Variants in PCDHA13 observed in about 807,000 individuals in gnomAD.
PCDHA13 encodes protocadherin alpha 13.
PCDHA13 carries 54 observed loss-of-function variants against 64.8 expected under a neutral mutation model. The observed-to-expected ratio is 0.83, with a 90% confidence interval of 0.67 to 1.04. The LOEUF (loss-of-function observed/expected upper bound fraction) is 1.04, where lower values mean the gene tolerates loss of function less well. PCDHA13 is among the 50% of genes least tolerant of loss of function. PCDHA13 has a pLI of 0.00. For missense variants in PCDHA13, 1,248 were observed against 1,254.3 expected, an observed-to-expected ratio of 0.99 and a Z score of 0.08; for synonymous variants, 587 against 564.4, an observed-to-expected ratio of 1.04 and a Z score of -0.57.
At position 141,011,407 on chromosome 5, in the gene PCDHA13, G is replaced by A. The variant is rs782613069; in HGVS notation, c.*1470G>A. On this transcript the variant is annotated 3_prime_UTR_variant, in exon 4 of 4. Coordinates refer to ENST00000289272, the MANE Select transcript of PCDHA13 (RefSeq NM_018904.3). ...TGAAATATACTTACTCTGTGCTTGT[G>A]TATGTGAATGTTAATGCAACTATTA... is the stretch of plus-strand genomic sequence containing the variant. The A allele has an allele frequency of 2.0e-5, 3 of 153,718 alleles. No individual in the cohort carries two copies. The highest frequency in any genetic ancestry group is 6.5e-5 in the Admixed American group (1 of 15,284). The allele number at this position is 153,718 out of a possible 1,614,324, so 9.5% of individuals were successfully genotyped here.
At chr5:140,900,588 C>G (rs1025443524) in intron 1 of PCDHA13, among the ~76,000 whole-genome samples, 3 of 152,150 alleles carry the variant, frequency 2.0e-5, no homozygotes, top group African/African-American at 7.2e-5. Flanking sequence ...TTTTCTTTAC[C>G]CGTTCATCTG....
In PCDHA13 at chr5:140,919,389, T is replaced by C. The variant is rs1042186256; in HGVS notation, c.2394+34727T>C. 3.9e-5 allele frequency among the ~76,000 whole-genome samples: 6 copies of C among 152,360 alleles called. No homozygotes were observed. The East Asian group carries it at 1.2e-3, about 29-fold the overall frequency. ...CTGCAGACAACACATAGTTGGATGTTGTTTTCCTAAAAACTCTAGACTGAC... is the reference window on the plus strand; with the variant it reads ...CTGCAGACAACACATAGTTGGATGTCGTTTTCCTAAAAACTCTAGACTGAC... On this transcript the variant is annotated intron_variant, in intron 1 of 3. Coordinates refer to ENST00000289272, the MANE Select transcript of PCDHA13 (RefSeq NM_018904.3).
intron 3 of PCDHA13, among the ~76,000 whole-genome samples, chr5:140,992,128 G>GACTGATGAT (rs2097493639): frequency 6.6e-6 from 1 of 151,816 alleles, no homozygotes; most frequent in Non-Finnish European, 1.5e-5. Context: ...GAAGAACAGT[G>GACTGATGAT]ACTGATGATG....
chr5:140,999,654 C>A (rs180994815), intron 3 of PCDHA13, among the ~76,000 whole-genome samples: 1 of 152,122 alleles, frequency 6.6e-6, no homozygotes, highest in South Asian at 2.1e-4. Flanking sequence ...AGCCTGAGCC[C>A]TGCTGGGTTG....
intron 1 of PCDHA13, among the ~76,000 whole-genome samples, chr5:140,937,898 T>C (rs11950543): frequency 0.02 from 2,906 of 145,270 alleles, 39 homozygotes; most frequent in East Asian, 0.058. Flanking sequence ...GGCGACAGAG[T>C]GAGACTCCGT....
intron 1 of PCDHA13, among the ~76,000 whole-genome samples, chr5:140,915,719 T>C (rs545655335): frequency 6.6e-6 from 1 of 152,074 alleles, no homozygotes; most frequent in African/African-American, 2.4e-5. Context: ...GCCCCCACTT[T>C]GGATTGTGCT....
At chr5:140,986,085 TCA>T (rs1395722991) in intron 3 of PCDHA13, among the ~76,000 whole-genome samples, 1 of 152,182 alleles carries the variant, frequency 6.6e-6, no homozygotes, top group Non-Finnish European at 1.5e-5. Context: ...TCATTTATTT[TCA>T]CAGTCTGCAA....
At chr5:140,911,985 A>C (rs1554195072) in intron 1 of PCDHA13, among the ~76,000 whole-genome samples, 2 of 152,204 alleles carry the variant, frequency 1.3e-5, no homozygotes, top group African/African-American at 4.8e-5. Flanking sequence ...CATGATCACA[A>C]GGTCCCACAA....
intron 1 of PCDHA13, among the ~76,000 whole-genome samples, chr5:140,963,604 T>A (rs1379826259): frequency 6.6e-6 from 1 of 152,234 alleles, no homozygotes; most frequent in Non-Finnish European, 1.5e-5. Flanking sequence ...CTAGACGTAA[T>A]TGGGAAAGCT....
chr5:140,938,034 A>G (rs541380016), intron 1 of PCDHA13, among the ~76,000 whole-genome samples: 2 of 152,160 alleles, frequency 1.3e-5, no homozygotes, highest in South Asian at 4.2e-4. Flanking sequence ...TCATATTTTT[A>G]TATTTTGGGT....
chr5:141,000,393 C>CTATAAATATATA (rs1563650230), intron 3 of PCDHA13, among the ~76,000 whole-genome samples: 1 of 52,856 alleles, frequency 1.9e-5, no homozygotes, highest in African/African-American at 9.2e-5. Flanking sequence ...CTCTCTCTCT[C>CTATAAATATATA]TCTATATATA....
chr5:140,937,371 T>C (rs2153632940), intron 1 of PCDHA13, among the ~76,000 whole-genome samples: 1 of 152,314 alleles, frequency 6.6e-6, no homozygotes, highest in Non-Finnish European at 1.5e-5. Context: ...TCTTAATGTT[T>C]ATGTGTGTGT....
intron 1 of PCDHA13, among the ~76,000 whole-genome samples, chr5:140,930,805 A>T (rs2087129378): frequency 6.6e-6 from 1 of 152,218 alleles, no homozygotes; most frequent in Non-Finnish European, 1.5e-5. Flanking sequence ...CCAGCATATA[A>T]GATATGCTTA....
intron 3 of PCDHA13, among the ~76,000 whole-genome samples, chr5:140,986,383 A>G (rs1277624649): frequency 2.6e-5 from 4 of 152,178 alleles, no homozygotes; most frequent in Admixed American, 1.3e-4. Flanking sequence ...GGGGAGGGAC[A>G]TTAAAGGGCC....
At chr5:140,912,292 C>A (rs527420621) in intron 1 of PCDHA13, among the ~76,000 whole-genome samples, 13 of 152,184 alleles carry the variant, frequency 8.5e-5, no homozygotes, top group Non-Finnish European at 1.8e-4. Context: ...CAATACTTTG[C>A]CTCCTGTAAT....
rs782568724 is a variant in PCDHA13, at chr5:140,927,659, A to C, written c.2394+42997A>C. Reference sequence around the variant, plus strand: ...AATGGGACTGTGTTATTCCGAGTTCAAGCCTTGGATCCAGATGAAGGGTCC... The same window carrying C: ...AATGGGACTGTGTTATTCCGAGTTCCAGCCTTGGATCCAGATGAAGGGTCC... On this transcript the variant is annotated intron_variant, in intron 1 of 3. Coordinates refer to ENST00000289272, the MANE Select transcript of PCDHA13 (RefSeq NM_018904.3). 4 of 1,614,108 alleles carry C rather than the reference A, an allele frequency of 2.5e-6. No homozygotes were observed. In the East Asian group the frequency reaches 6.7e-5, roughly 27 times the overall value.
intron 1 of PCDHA13, chr5:140,969,215 C>T: frequency 6.2e-7 from 1 of 1,614,128 alleles, no homozygotes; most frequent in East Asian, 2.2e-5. Flanking sequence ...CCAGACAGGA[C>T]CAGGGCCTTC....
intron 1 of PCDHA13, chr5:140,967,963 A>C (rs1554230144): frequency 6.2e-7 from 1 of 1,614,210 alleles, no homozygotes; most frequent in South Asian, 1.1e-5. Context: ...CCAACCGGAA[A>C]GTGAGCCTGG....
At chr5:140,921,500 A>G (rs2080246724) in intron 1 of PCDHA13, among the ~76,000 whole-genome samples, 1 of 152,210 alleles carries the variant, frequency 6.6e-6, no homozygotes, top group Admixed American at 6.5e-5. Context: ...AGTTTATTAG[A>G]TAGTGCCTAA....
Sources: gnomAD v4.1 joint callset for allele counts (sites outside exome capture counted in the v4.1 genomes callset) on GRCh38, gnomAD v4.1.1 for gene constraint, MANE v1.5 for transcripts, NCBI Gene and HGNC (gene_info 2026-07-23, HGNC 2026-07-21) for gene names.